AQR: variants seen among roughly 807,000 people sequenced by gnomAD.
AQR encodes the protein aquarius intron-binding spliceosomal factor.
Under a neutral mutation model 180.5 loss-of-function variants are expected in AQR, and 61 were observed. The observed-to-expected ratio is 0.34, with a 90% CI of 0.28 to 0.42. The LOEUF (loss-of-function observed/expected upper bound fraction) is 0.42, where lower values mean the gene tolerates loss of function less well. AQR is among the 10% of genes least tolerant of loss of function. The pLI, the probability that AQR is intolerant of heterozygous loss-of-function variation, is 1.00. For missense variants in AQR, 1,281 were observed against 1,798.3 expected (o/e 0.71, Z 5.20); for synonymous variants, 551 against 588.8 (o/e 0.94, Z 0.93).
chr15:34,915,467 G>A (rs1289962729), intron 15 of AQR, among the ~76,000 whole-genome samples: 3 of 151,698 alleles, frequency 2.0e-5, no homozygotes, highest in African/African-American at 7.3e-5. Flanking sequence ...TGAGATTACA[G>A]GCGTGAGCCA....
intron 16 of AQR, 131 bp downstream of exon 16, chr15:34,914,907 T>C: frequency 1.1e-6 from 1 of 939,634 alleles, no homozygotes; most frequent in South Asian, 2.5e-5. Context: ...TCTCAAAGAG[T>C]AAATATCTCC....
chr15:34,957,689 G>A (rs1344713583), intron 3 of AQR, among the ~76,000 whole-genome samples: 4 of 138,142 alleles, frequency 2.9e-5, no homozygotes, highest in Non-Finnish European at 4.7e-5. Context: ...CAACAAGATC[G>A]AAACTCCGTC....
intron 8 of AQR, among the ~76,000 whole-genome samples, chr15:34,940,229 T>G (rs1158043128): frequency 6.6e-6 from 1 of 152,150 alleles, no homozygotes; most frequent in Non-Finnish European, 1.5e-5. Context: ...CTGAAAACCT[T>G]GTAAGAAGTT....
intron 22 of AQR, among the ~76,000 whole-genome samples, chr15:34,895,182 AAAAAAATATATATATATATAT>A (rs1321226532): frequency 1.3e-4 from 7 of 55,010 alleles, no homozygotes; most frequent in African/African-American, 4.0e-4. Context: ...AAAAAAAAAA[AAAAAAATATATATATATATAT>A]ATATATATAT....
intron 1 of AQR, among the ~76,000 whole-genome samples, chr15:34,967,733 A>G (rs2050317461): frequency 6.6e-6 from 1 of 152,210 alleles, no homozygotes; most frequent in Admixed American, 6.5e-5. Flanking sequence ...CTGAAGATAT[A>G]AGCACAGGTC....
intron 3 of AQR, 38 bp downstream of exon 3, chr15:34,960,735 AC>A: frequency 1.2e-6 from 1 of 837,408 alleles, no homozygotes; most frequent in African/African-American, 1.7e-5. Context: ...AACTTGGTCC[AC>A]CCCAATCACA....
At chr15:34,882,764 A>T (rs1892994415) in intron 26 of AQR, 125 bp from the exon 27 acceptor site, 1 of 840,264 alleles carries the variant, frequency 1.2e-6, no homozygotes. Context: ...AAGCCTAATG[A>T]ATTATAATTC....
At chr15:34,858,038 C>T (rs932579167) in intron 34 of AQR, among the ~76,000 whole-genome samples, 3 of 152,130 alleles carry the variant, frequency 2.0e-5, no homozygotes, top group Non-Finnish European at 4.4e-5. Context: ...AGCTGGAGTG[C>T]AGTGGTGCCA....
chr15:34,923,959 TA>T (rs954853790), intron 13 of AQR, among the ~76,000 whole-genome samples: 1 of 152,214 alleles, frequency 6.6e-6, no homozygotes, highest in Non-Finnish European at 1.5e-5. Context: ...AATATCCTGC[TA>T]GAATTATGAT....
intron 3 of AQR, among the ~76,000 whole-genome samples, chr15:34,955,532 T>A (rs1026639246): frequency 3.3e-5 from 5 of 152,164 alleles, no homozygotes; most frequent in Non-Finnish European, 5.9e-5. Context: ...GACAAGGGCC[T>A]TGACATTATT....
intron 13 of AQR, among the ~76,000 whole-genome samples, chr15:34,923,885 T>C (rs1409631569): frequency 6.6e-6 from 1 of 152,236 alleles, no homozygotes; most frequent in East Asian, 1.9e-4. Context: ...CAAAATGGTT[T>C]GGGTTATTAT....
At chr15:34,860,763 A>C (rs1200828269) in intron 33 of AQR, among the ~76,000 whole-genome samples, 1 of 152,220 alleles carries the variant, frequency 6.6e-6, no homozygotes, top group East Asian at 1.9e-4. Context: ...ATGAGTCAAG[A>C]GGGTGAATAT....
intron 24 of AQR, among the ~76,000 whole-genome samples, chr15:34,887,979 A>C (rs1370961687): frequency 6.6e-6 from 1 of 152,226 alleles, no homozygotes; most frequent in Non-Finnish European, 1.5e-5. Flanking sequence ...AAAATGCCAA[A>C]ATTTTTGTGA....
At chr15:34,946,735 G>A (rs956043066) in intron 5 of AQR, among the ~76,000 whole-genome samples, 3 of 138,854 alleles carry the variant, frequency 2.2e-5, no homozygotes, top group South Asian at 2.3e-4. Context: ...CCGGCCAGCC[G>A]CCCCGTCCGG....
chr15:34,882,509 C>T lies in AQR; in HGVS notation c.3158G>A (p.Gly1053Asp). 1 of 1,545,128 alleles carries T rather than the reference C, an allele frequency of 6.5e-7. No individual in the cohort carries two copies. Among genetic ancestry groups the T allele is most frequent in the Non-Finnish European group, 8.7e-7 (1 of 1,148,122 alleles). ...ALKRHDLVKL[G>D]FKYDNILMEE... is the part of the protein sequence containing the mutation. The stretch of plus-strand genomic sequence containing the variant: ...ACTACCATAAGTCTTTACCTTGAAA[C>T]CTAGCTTGACCAAGTCATGTCGTTT... Residue 1053 changes from glycine to aspartate, a missense_variant, in exon 27 of 35, where the codon GGT becomes GAT. Transcript: ENST00000156471.
At chr15:34,926,045 T>C (rs1048679069) in intron 13 of AQR, among the ~76,000 whole-genome samples, 56 of 152,086 alleles carry the variant, frequency 3.7e-4, no homozygotes, top group Non-Finnish European at 6.6e-4. Flanking sequence ...CGGGCGCCTG[T>C]AGTCCCAGCT....
intron 13 of AQR, among the ~76,000 whole-genome samples, chr15:34,924,558 A>G (rs887112509): frequency 1.6e-4 from 24 of 151,962 alleles, no homozygotes; most frequent in Admixed American, 1.3e-4. Context: ...CAGCCTCCCA[A>G]GTAGCTGGGA....
In AQR at chr15:34,897,665, TCCTTTTCTTC is replaced by T. The variant is rs1893269223; in HGVS notation, c.2274_2283del (p.Lys760MetfsTer15). Reference sequence around the variant, plus strand: ...TCTTCATCTTCCACATCCGCATCTTTCCTTTTCTTCCCTTTTCCACTTCTTACTGGAAAAG... The same window carrying T: ...TCTTCATCTTCCACATCCGCATCTTTCCTTTTCCACTTCTTACTGGAAAAG... On this transcript the variant is annotated frameshift_variant, in exon 21 of 35. Coordinates refer to ENST00000156471, the MANE Select transcript of AQR (RefSeq NM_014691.3). LOFTEE classifies it high-confidence loss of function. 6.2e-7 allele frequency: 1 copy of T among 1,614,012 alleles called. No homozygotes were observed.
rs1007024789 is a variant in AQR, at chr15:34,873,768, T to G, written c.3597+60A>C. 4.3e-6 allele frequency: 6 copies of G among 1,395,476 alleles called. No homozygotes were observed. In the Admixed American group the frequency reaches 6.8e-5, roughly 16 times the overall value. 86.4% of individuals were successfully genotyped at this position (1,395,476 alleles called of 1,614,324 possible). On this transcript the variant is annotated intron_variant, in intron 30 of 34. Coordinates refer to ENST00000156471, the MANE Select transcript of AQR (RefSeq NM_014691.3). The stretch of plus-strand genomic sequence containing the variant: ...GGCCAAATGGTTAAGTATCACTGAT[T>G]TAGGCATATGTCAGCCAGCAAATGC...
Sources: allele counts gnomAD v4.1 joint callset (sites outside exome capture counted in the v4.1 genomes callset), GRCh38; gene constraint gnomAD v4.1.1; transcripts MANE v1.5; gene names NCBI Gene and HGNC (gene_info 2026-07-23, HGNC 2026-07-21).